NBEA: variants seen among roughly 807,000 people sequenced by gnomAD.
NBEA encodes neurobeachin.
A neutral mutation model predicts 343.4 loss-of-function variants in NBEA; 44 were observed. The observed-to-expected ratio is 0.13, with a 90% CI of 0.10 to 0.16. NBEA has a LOEUF of 0.16. NBEA is among the 10% of genes least tolerant of loss of function. NBEA has a pLI of 1.00. For missense variants in NBEA, 2,555 were observed against 3,631.3 expected, an observed-to-expected ratio of 0.70 and a Z score of 7.62; for synonymous variants, 1,175 against 1,238.7, an observed-to-expected ratio of 0.95 and a Z score of 1.08.
At chr13:35,289,909 G>C (rs1381924717) in intron 34 of NBEA, among the ~76,000 whole-genome samples, 1 of 151,632 alleles carries the variant, frequency 6.6e-6, no homozygotes, top group Admixed American at 6.6e-5. Flanking sequence ...TAACTGATAA[G>C]CTATTGAAAT....
At chr13:35,183,096 G>C (rs889371962) in intron 29 of NBEA, among the ~76,000 whole-genome samples, 1 of 151,968 alleles carries the variant, frequency 6.6e-6, no homozygotes, top group Non-Finnish European at 1.5e-5. Flanking sequence ...ACCACCTTGG[G>C]TCATGCTGCC....
At position 35,348,530 on chromosome 13, in the gene NBEA, T is replaced by G. The variant is rs1594303402; in HGVS notation, c.5904-578T>G. Among the ~76,000 whole-genome samples the G allele has an allele frequency of 3.3e-5, 5 of 152,174 alleles. No individual in the cohort carries two copies. The South Asian group carries it at 1.0e-3, about 32-fold the overall frequency. ...GTAGTTAAAAAAGTCAGCTATATGG[T>G]TGAACTTTAACTGTAGTTCCATATT... On this transcript the variant is annotated intron_variant, in intron 36 of 58. Transcript: ENST00000379939.
chr13:35,108,844 G>A (rs1197960328), intron 11 of NBEA, among the ~76,000 whole-genome samples: 1 of 152,072 alleles, frequency 6.6e-6, no homozygotes, highest in African/African-American at 2.4e-5. Flanking sequence ...CAAGGATAGA[G>A]TATTTATGGA....
At chr13:35,613,672 G>C (rs9530792) in intron 48 of NBEA, among the ~76,000 whole-genome samples, 34,134 of 151,986 alleles carry the variant, frequency 0.22, 4,038 homozygotes, top group Non-Finnish European at 0.24. Flanking sequence ...CCAGACTGAA[G>C]TGCAGTGGTG....
intron 45 of NBEA, among the ~76,000 whole-genome samples, chr13:35,574,267 T>G: frequency 6.9e-6 from 1 of 144,880 alleles, no homozygotes; most frequent in Non-Finnish European, 1.5e-5. Context: ...CTATTATTTC[T>G]CCATAATACA....
chr13:35,328,045 G>A (rs1374714097), intron 36 of NBEA, among the ~76,000 whole-genome samples: 3 of 151,860 alleles, frequency 2.0e-5, no homozygotes, highest in Admixed American at 6.6e-5. Flanking sequence ...CTAAAACAAG[G>A]CAAGGATGTT....
At chr13:35,641,585 T>A (rs2083951030) in intron 49 of NBEA, among the ~76,000 whole-genome samples, 1 of 152,182 alleles carries the variant, frequency 6.6e-6, no homozygotes, top group South Asian at 2.1e-4. Flanking sequence ...ATATGTAGTG[T>A]ATAACTCAAT....
intron 53 of NBEA, among the ~76,000 whole-genome samples, chr13:35,653,246 A>G (rs746860782): frequency 6.6e-6 from 1 of 152,090 alleles, no homozygotes; most frequent in African/African-American, 2.4e-5. Flanking sequence ...GATGATTAGT[A>G]AGATAAATTA....
chr13:35,264,200 A>G lies in NBEA; in HGVS notation c.5777-26189A>G, dbSNP rs118015214. On this transcript the variant is annotated intron_variant, in intron 34 of 58. Coordinates refer to ENST00000379939, the MANE Select transcript of NBEA (RefSeq NM_001385012.1). The stretch of plus-strand genomic sequence containing the variant: ...ATCTAGATACATACAATCTACCAAG[A>G]TTGAATCATGAAGAAATAGAAAATC... Among the ~76,000 whole-genome samples the G allele has an allele frequency of 6.6e-4, 100 of 152,090 alleles. 1 individual carries two copies. The East Asian group carries it at 0.015, about 24-fold the overall frequency.
intron 34 of NBEA, among the ~76,000 whole-genome samples, chr13:35,278,161 A>G (rs1235498372): frequency 6.7e-6 from 1 of 149,622 alleles, no homozygotes; most frequent in South Asian, 2.1e-4. Flanking sequence ...ATATGCATGT[A>G]TATGATTTAG....
At chr13:35,619,898 G>A (rs2082903646) in intron 48 of NBEA, among the ~76,000 whole-genome samples, 1 of 152,134 alleles carries the variant, frequency 6.6e-6, no homozygotes, top group African/African-American at 2.4e-5. Flanking sequence ...TACAAAGAAT[G>A]GCCATGGATC....
At chr13:35,587,502 C>CT (rs1413828916) in intron 46 of NBEA, among the ~76,000 whole-genome samples, 1 of 152,084 alleles carries the variant, frequency 6.6e-6, no homozygotes, top group Non-Finnish European at 1.5e-5. Flanking sequence ...CTTGCAGGTA[C>CT]TTTGGGGATG....
chr13:35,588,576 A>G (rs2081388623), intron 46 of NBEA, among the ~76,000 whole-genome samples: 1 of 152,168 alleles, frequency 6.6e-6, no homozygotes, highest in Admixed American at 6.6e-5. Context: ...ATTATTTTAA[A>G]CAAACTACCA....
intron 17 of NBEA, among the ~76,000 whole-genome samples, chr13:35,133,957 A>G (rs74048909): frequency 0.028 from 4,220 of 152,108 alleles, 85 homozygotes; most frequent in South Asian, 0.074. Context: ...AGAAACGTAT[A>G]GCAAACAAAA....
At chr13:35,307,599 T>C (rs2036983302) in intron 35 of NBEA, among the ~76,000 whole-genome samples, 1 of 152,092 alleles carries the variant, frequency 6.6e-6, no homozygotes, top group African/African-American at 2.4e-5. Context: ...ATCTTATTCA[T>C]GTTAGAAGTT....
chr13:35,105,830 A>G (rs1300019562), intron 11 of NBEA, among the ~76,000 whole-genome samples: 1 of 152,052 alleles, frequency 6.6e-6, no homozygotes, highest in Non-Finnish European at 1.5e-5. Flanking sequence ...CAATAGTTTT[A>G]CACAATTTAT....
chr13:35,590,754 G>T lies in NBEA; in HGVS notation c.7177-2574G>T, dbSNP rs186866238. ...CCACTACCTACAGTGAAAATTAAAT[G>T]CCTTACATCAGCATCCTGCAATAAT... On this transcript the variant is annotated intron_variant, in intron 46 of 58. Coordinates refer to ENST00000379939, the MANE Select transcript of NBEA (RefSeq NM_001385012.1). Among the ~76,000 whole-genome samples, 4 of 152,168 alleles carry T rather than the reference G, an allele frequency of 2.6e-5. No individual in the cohort carries two copies. The East Asian group carries it at 7.7e-4, about 29-fold the overall frequency.
chr13:35,027,111 T>C (rs1277447736), intron 1 of NBEA, among the ~76,000 whole-genome samples: 4 of 152,102 alleles, frequency 2.6e-5, no homozygotes, highest in Non-Finnish European at 4.4e-5. Context: ...TAGTATTCCA[T>C]GGTATGGACT....
rs764912941 is a variant in NBEA, at chr13:35,171,223, C to T, written c.4243-49C>T. 5.6e-5 allele frequency: 82 copies of T among 1,476,326 alleles called. No individual in the cohort carries two copies. In the South Asian group the frequency reaches 8.9e-4, roughly 16 times the overall value. 91.5% of individuals were successfully genotyped at this position (1,476,326 alleles called of 1,614,324 possible). A position where few individuals can be genotyped will look rare whatever the true frequency, so the allele number is the denominator to read the frequency against. On this transcript the variant is annotated intron_variant, in intron 25 of 58. Transcript: ENST00000379939. ...GTATGTATGTATATGTATTATATTT[C>T]CAAATTTCCAAATTTTAAACAAGAC... is the stretch of plus-strand genomic sequence containing the variant.
Sources: gnomAD v4.1 joint callset for allele counts (sites outside exome capture counted in the v4.1 genomes callset) on GRCh38, gnomAD v4.1.1 for gene constraint, MANE v1.5 for transcripts, NCBI Gene and HGNC (gene_info 2026-07-23, HGNC 2026-07-21) for gene names.